KIR2DL3: variants seen among roughly 807,000 people sequenced by gnomAD.
KIR2DL3 encodes killer cell immunoglobulin like receptor, two Ig domains and long cytoplasmic tail 3, also known as killer cell immunoglobulin-like receptor 2DL3.
A neutral mutation model predicts 33.8 loss-of-function variants in KIR2DL3; 39 were observed. The ratio of observed to expected loss-of-function variants is 1.15; its 90% CI spans 0.89 to 1.51. KIR2DL3 has a LOEUF of 1.51. Among genes scored for constraint, KIR2DL3 ranks in the 40% most tolerant of loss-of-function variants. KIR2DL3 has a pLI of 0.00. For missense variants in KIR2DL3, 462 were observed against 426.2 expected (o/e 1.08, Z -0.74); for synonymous variants, 174 against 160.2 (o/e 1.09, Z -0.65).
Position 54,742,161 on chromosome 19 carries a change from C to T in KIR2DL3, c.252C>T (p.Asn84=). ...ACCATGATGGGGTCTCCAAGGCCAACTTCTCCATCGGTCCCATGATGCAAG... is the reference window on the plus strand; with the variant it reads ...ACCATGATGGGGTCTCCAAGGCCAATTTCTCCATCGGTCCCATGATGCAAG... ...GEHHDGVSKA[N]FSIGPMMQDL... The change falls in exon 3 of 8, where the codon AAC becomes AAT. Residue 84 remains asparagine (N), a synonymous_variant. Coordinates refer to ENST00000342376, the MANE Select transcript of KIR2DL3 (RefSeq NM_015868.3). The T allele has an allele frequency of 6.2e-7, 1 of 1,614,162 alleles. No individual in the cohort carries two copies. The highest frequency in any genetic ancestry group is 8.5e-7 in the Non-Finnish European group (1 of 1,180,010).
At chr19:54,750,469 T>C (rs2073246673) in intron 5 of KIR2DL3, among the ~76,000 whole-genome samples, 2 of 138,942 alleles carry the variant, frequency 1.4e-5, no homozygotes, top group Non-Finnish European at 3.2e-5. Context: ...CACTATTTCC[T>C]GGCCATTTGA....
rs200553520 is a variant in KIR2DL3 at position 54,743,913 on chromosome 19, G to T, written c.489G>T (p.Glu163Asp). The T allele has an allele frequency of 1.1e-5, 17 of 1,598,318 alleles. No individual in the cohort carries two copies. Among genetic ancestry groups the T allele is most frequent in the South Asian group, 3.3e-5 (3 of 89,650 alleles). ...SSYDMYHLSR[E>D]GEAHERRFSA... is the part of the protein sequence containing the mutation. ...ATGACATGTACCATCTATCCAGGGA[G>T]GGGGAGGCCCATGAACGTAGGTTCT... Residue 163 changes from glutamate (E) to aspartate (D), a missense_variant, in exon 4 of 8, where the codon GAG becomes GAT. Physicochemically the swap from Glu to Asp is conservative, Grantham distance 45. Transcript: ENST00000342376.
chr19:54,743,674 G>C, intron 3 of KIR2DL3, 121 bp from the exon 4 acceptor site: 1 of 848,684 alleles, frequency 1.2e-6, no homozygotes, highest in South Asian at 1.8e-5. Flanking sequence ...TGGGGTGGAG[G>C]GTGAGAGAGA....
intron 5 of KIR2DL3, among the ~76,000 whole-genome samples, chr19:54,749,350 A>G (rs2073082928): frequency 6.9e-6 from 1 of 143,914 alleles, no homozygotes; most frequent in African/African-American, 2.6e-5. Flanking sequence ...AGACCGTGGA[A>G]AAGGCAATTG....
intron 5 of KIR2DL3, 93 bp from the exon 6 acceptor site, chr19:54,751,556 G>A (rs551900907): frequency 9.4e-7 from 1 of 1,067,332 alleles, no homozygotes; most frequent in Non-Finnish European, 1.4e-6. Flanking sequence ...AAGGGGTGTT[G>A]TATGTGGTTA....
chr19:54,742,293 G>A lies in KIR2DL3; in HGVS notation c.370+14G>A. 5 of 1,612,272 alleles carry A rather than the reference G, an allele frequency of 3.1e-6. No homozygotes were observed. In the South Asian group the frequency reaches 5.5e-5, roughly 18 times the overall value. Reference sequence around the variant, plus strand: ...TCGTCATCACAGGTGAGAGTGTCCGGACATTCTCATTGTCATTGGGATGCA... The same window carrying A: ...TCGTCATCACAGGTGAGAGTGTCCGAACATTCTCATTGTCATTGGGATGCA... On this transcript the variant is annotated intron_variant, in intron 3 of 7. Coordinates refer to ENST00000342376, the MANE Select transcript of KIR2DL3 (RefSeq NM_015868.3).
In KIR2DL3 at chr19:54,751,126, T is replaced by A. The variant is rs540846598; in HGVS notation, c.716-523T>A. Among the ~76,000 whole-genome samples, 2 of 132,096 alleles carry A rather than the reference T, an allele frequency of 1.5e-5. 1 individual carries two copies. The highest frequency in any genetic ancestry group is 4.0e-4 in the East Asian group (2 of 5,012). 86.7% of individuals were successfully genotyped at this position (132,096 alleles called of 152,430 possible). ...CTGTACTGGAAGCGTGGCACCAGCA[T>A]CTATTTCTCGTGACGGCCTCAGGCT... On this transcript the variant is annotated intron_variant, in intron 5 of 7. Transcript: ENST00000342376.
In KIR2DL3 at chr19:54,738,590, G is replaced by A; in HGVS notation, c.34+11G>A. ...GCATGGTGTGTGTTGGTGAGTCCTG[G>A]AAGGGCATCGAGGGAGGGAGTGCGG... On this transcript the variant is annotated intron_variant, in intron 1 of 7. Coordinates refer to ENST00000342376, the MANE Select transcript of KIR2DL3 (RefSeq NM_015868.3). The A allele has an allele frequency of 1.2e-6, 2 of 1,614,142 alleles. No homozygotes were observed. Among genetic ancestry groups the A allele is most frequent in the Non-Finnish European group, 8.5e-7 (1 of 1,180,038 alleles).
At chr19:54,739,693 C>T in intron 2 of KIR2DL3, 151 bp downstream of exon 2, 3 of 1,290,740 alleles carry the variant, frequency 2.3e-6, no homozygotes, top group Middle Eastern at 2.7e-4. Context: ...GCCTCCCTGG[C>T]CTCTCAACCC....
At chr19:54,744,913 TATATAA>T (rs2072093925) in intron 4 of KIR2DL3, among the ~76,000 whole-genome samples, 1 of 38,582 alleles carries the variant, frequency 2.6e-5, no homozygotes, top group African/African-American at 8.6e-5. Flanking sequence ...CACACACACA[TATATAA>T]ACATATATAT....
In KIR2DL3 at chr19:54,747,765, A is replaced by C. The variant is rs572980910; in HGVS notation, c.715+380A>C. ...GTGTTTTAGAGAAGTTCCACTTGCC[A>C]AGGAATGAATTACTGTTGGTCATGA... On this transcript the variant is annotated intron_variant, in intron 5 of 7. Coordinates refer to ENST00000342376, the MANE Select transcript of KIR2DL3 (RefSeq NM_015868.3). 4.3e-4 allele frequency among the ~76,000 whole-genome samples: 65 copies of C among 152,212 alleles called. No individual in the cohort carries two copies. The South Asian group carries it at 6.6e-3, about 16-fold the overall frequency.
chr19:54,744,872 AT>A (rs2072016483), intron 4 of KIR2DL3, among the ~76,000 whole-genome samples: 1 of 46,312 alleles, frequency 2.2e-5, no homozygotes. Flanking sequence ...AAATACATTT[AT>A]ATATATATAT....
chr19:54,745,882 G>A (rs1555909361), intron 4 of KIR2DL3, among the ~76,000 whole-genome samples: 3 of 143,796 alleles, frequency 2.1e-5, no homozygotes, highest in Admixed American at 7.2e-5. Context: ...GTGCGATCTC[G>A]GCTCACCACA....
intron 4 of KIR2DL3, among the ~76,000 whole-genome samples, chr19:54,744,940 ATATATATATATATATT>A (rs1264087020): frequency 4.0e-4 from 9 of 22,460 alleles, no homozygotes; most frequent in African/African-American, 8.9e-4. Context: ...ATATATATAT[ATATATATATATATATT>A]TTTTTTTTTT....
intron 6 of KIR2DL3, 121 bp downstream of exon 6, chr19:54,751,874 G>A (rs1436604309): frequency 3.3e-6 from 3 of 896,558 alleles, no homozygotes; most frequent in Non-Finnish European, 3.4e-6. Flanking sequence ...CAGCCACAGA[G>A]GGAGGACTTT....
chr19:54,740,391 G>A (rs1468460893), intron 2 of KIR2DL3, among the ~76,000 whole-genome samples: 1 of 151,702 alleles, frequency 6.6e-6, no homozygotes, highest in South Asian at 2.1e-4. Flanking sequence ...AGGAAGGTGG[G>A]GTGCCTGTCC....
chr19:54,748,077 G>A (rs1332197014), intron 5 of KIR2DL3, among the ~76,000 whole-genome samples: 6 of 150,986 alleles, frequency 4.0e-5, no homozygotes, highest in Non-Finnish European at 7.4e-5. Context: ...AGGATTCCAG[G>A]CAAGAATCTG....
chr19:54,739,952 C>T (rs2070705737), intron 2 of KIR2DL3, among the ~76,000 whole-genome samples: 1 of 152,178 alleles, frequency 6.6e-6, no homozygotes, highest in African/African-American at 2.4e-5. Context: ...TATTTTCGTT[C>T]AGGCATCCGC....
intron 5 of KIR2DL3, among the ~76,000 whole-genome samples, chr19:54,748,812 A>C (rs1274928316): frequency 2.0e-4 from 29 of 147,210 alleles, no homozygotes; most frequent in Non-Finnish European, 9.0e-5. Context: ...TTTTTTGTAG[A>C]GAGGATGTTT....
Sources: gnomAD v4.1 joint callset for allele counts (sites outside exome capture counted in the v4.1 genomes callset) on GRCh38, gnomAD v4.1.1 for gene constraint, MANE v1.5 for transcripts, NCBI Gene and HGNC (gene_info 2026-07-23, HGNC 2026-07-21) for gene names.